Variants in FHIT observed in about 807,000 individuals in gnomAD.
FHIT encodes fragile histidine triad diadenosine triphosphatase.
Under a neutral mutation model 17.9 loss-of-function variants are expected in FHIT, and 19 were observed. That is an observed-to-expected ratio of 1.06 (90% CI 0.74 to 1.56). The LOEUF (loss-of-function observed/expected upper bound fraction) is 1.56, where lower values mean the gene tolerates loss of function less well. Among genes scored for constraint, FHIT ranks in the 40% most tolerant of loss-of-function variants. The probability of loss-of-function intolerance (pLI) is 0.00; values close to 1 mark genes in which losing one functional copy is unlikely to be tolerated. For synonymous variants in FHIT, 81 were observed against 69.7 expected, an observed-to-expected ratio of 1.16 and a Z score of -0.81; for missense variants, 248 against 189.2, an observed-to-expected ratio of 1.31 and a Z score of -1.82.
intron 5 of FHIT, among the ~76,000 whole-genome samples, chr3:60,364,318 C>A (rs766819252): frequency 4.6e-5 from 7 of 152,216 alleles, no homozygotes; most frequent in African/African-American, 1.7e-4. Context: ...TCCTTTATAA[C>A]TTATGAAGGC....
intron 2 of FHIT, among the ~76,000 whole-genome samples, chr3:61,052,536 G>T (rs78781987): frequency 0.027 from 4,167 of 152,268 alleles, 121 homozygotes; most frequent in African/African-American, 0.073. Context: ...GTCTAGCGCA[G>T]ATCAATACTT....
intron 5 of FHIT, among the ~76,000 whole-genome samples, chr3:60,178,433 AAAATTACCTGGGTGT>A (rs1381016462): frequency 6.6e-6 from 1 of 152,034 alleles, no homozygotes; most frequent in Non-Finnish European, 1.5e-5. Flanking sequence ...TAAAAATACA[AAAATTACCTGGGTGT>A]TGTGGCGCAC....
chr3:60,336,160 C>A (rs929125298), intron 5 of FHIT, among the ~76,000 whole-genome samples: 6 of 152,210 alleles, frequency 3.9e-5, no homozygotes, highest in African/African-American at 1.4e-4. Context: ...AAGCTGTGCA[C>A]TCCTATGTAA....
intron 5 of FHIT, among the ~76,000 whole-genome samples, chr3:60,123,050 C>T (rs1188547081): frequency 3.9e-5 from 6 of 152,110 alleles, no homozygotes; most frequent in Non-Finnish European, 8.8e-5. Context: ...TCCTAGTTTT[C>T]TGTTAATTAT....
chr3:60,310,456 C>A (rs1373408762), intron 5 of FHIT, among the ~76,000 whole-genome samples: 1 of 152,074 alleles, frequency 6.6e-6, no homozygotes, highest in African/African-American at 2.4e-5. Flanking sequence ...GCAAAGGAGA[C>A]AGACAATCAA....
intron 4 of FHIT, among the ~76,000 whole-genome samples, chr3:60,677,693 T>C (rs1369527996): frequency 6.6e-6 from 1 of 152,182 alleles, no homozygotes; most frequent in African/African-American, 2.4e-5. Context: ...GAGCACATTT[T>C]CTTTATTTAA....
At chr3:59,951,408 G>T (rs6446099) in intron 7 of FHIT, among the ~76,000 whole-genome samples, 142,188 of 152,298 alleles carry the variant, frequency 0.93, 66,642 homozygotes, top group East Asian at 1. Context: ...CGGCCACTAC[G>T]CCCAAGAAAA....
At chr3:61,227,727 T>C (rs531624407) in intron 1 of FHIT, among the ~76,000 whole-genome samples, 16 of 152,294 alleles carry the variant, frequency 1.1e-4, no homozygotes, top group African/African-American at 2.9e-4. Context: ...TCTTACAGCA[T>C]AGAACTTTTT....
chr3:60,751,351 C>T (rs2042462471), intron 4 of FHIT, among the ~76,000 whole-genome samples: 5 of 152,164 alleles, frequency 3.3e-5, no homozygotes, highest in Admixed American at 2.6e-4. Context: ...TTTAATGTTG[C>T]ATTGTTCTCA....
At chr3:61,014,328 C>G (rs1426191660) in intron 3 of FHIT, among the ~76,000 whole-genome samples, 1 of 152,052 alleles carries the variant, frequency 6.6e-6, no homozygotes, top group African/African-American at 2.4e-5. Context: ...ACTATTTGCT[C>G]CTTGCTGCCT....
chr3:61,058,509 T>C (rs2034306889), intron 2 of FHIT, among the ~76,000 whole-genome samples: 1 of 152,158 alleles, frequency 6.6e-6, no homozygotes, highest in African/African-American at 2.4e-5. Flanking sequence ...GACTGAATCA[T>C]GGAGGCAGAC....
chr3:60,086,783 G>A (rs971703292), intron 5 of FHIT, among the ~76,000 whole-genome samples: 4 of 152,230 alleles, frequency 2.6e-5, no homozygotes, highest in African/African-American at 7.2e-5. Context: ...ACTTCAGTGG[G>A]TGCAGCTCAA....
intron 6 of FHIT, among the ~76,000 whole-genome samples, chr3:60,013,206 G>T (rs1428090065): frequency 3.3e-5 from 5 of 152,196 alleles, no homozygotes; most frequent in African/African-American, 1.2e-4. Context: ...CTATGGTAAA[G>T]AGCTAAGGAG....
chr3:60,100,248 G>A (rs569028889), intron 5 of FHIT, among the ~76,000 whole-genome samples: 1 of 152,124 alleles, frequency 6.6e-6, no homozygotes, highest in Non-Finnish European at 1.5e-5. Flanking sequence ...GCCAGGCATG[G>A]TGGTGGACGC....
chr3:60,097,728 T>C (rs1470309835), intron 5 of FHIT, among the ~76,000 whole-genome samples: 1 of 151,982 alleles, frequency 6.6e-6, no homozygotes, highest in African/African-American at 2.4e-5. Flanking sequence ...TTTATTATTA[T>C]TATACTTTAA....
At chr3:60,180,784 G>A (rs911308585) in intron 5 of FHIT, among the ~76,000 whole-genome samples, 2 of 152,020 alleles carry the variant, frequency 1.3e-5, no homozygotes, top group South Asian at 2.1e-4. Context: ...ATTTTAATCT[G>A]TATCTGGAAG....
At chr3:60,375,893 T>C (rs1486136870) in intron 5 of FHIT, among the ~76,000 whole-genome samples, 1 of 152,208 alleles carries the variant, frequency 6.6e-6, no homozygotes, top group East Asian at 1.9e-4. Context: ...AATATGGTAG[T>C]CATGAGCCAC....
chr3:61,043,508 A>C (rs2033631046), intron 2 of FHIT, among the ~76,000 whole-genome samples: 1 of 152,214 alleles, frequency 6.6e-6, no homozygotes, highest in African/African-American at 2.4e-5. Flanking sequence ...ACCGCAGCTC[A>C]AGGAGGCCTG....
chr3:60,010,956 A>C (rs1250850844), intron 7 of FHIT, among the ~76,000 whole-genome samples: 1 of 152,156 alleles, frequency 6.6e-6, no homozygotes, highest in Non-Finnish European at 1.5e-5. Context: ...TTATTGCTTC[A>C]CTCAAAAACA....
Sources: gnomAD v4.1 joint callset for allele counts (sites outside exome capture counted in the v4.1 genomes callset) on GRCh38, gnomAD v4.1.1 for gene constraint, MANE v1.5 for transcripts, NCBI Gene and HGNC (gene_info 2026-07-23, HGNC 2026-07-21) for gene names.